The following EGFLAM variants were observed in gnomAD, a reference collection of about 807,000 sequenced individuals.
The protein encoded by EGFLAM is EGF like, fibronectin type III and laminin G domains.
EGFLAM carries 79 observed loss-of-function variants against 113.1 expected under a neutral mutation model. The observed-to-expected ratio is 0.70, with a 90% CI of 0.58 to 0.84. The LOEUF is 0.84. Ranked by LOEUF, EGFLAM falls within the 40% of genes least tolerant of loss-of-function variation. The probability of loss-of-function intolerance (pLI) is 0.00; values close to 1 mark genes in which losing one functional copy is unlikely to be tolerated. For missense variants in EGFLAM, 1,265 were observed against 1,291.6 expected (o/e 0.98, Z 0.32); for synonymous variants, 504 against 487.6 (o/e 1.03, Z -0.44).
chr5:38,370,038 C>T (rs557366852), intron 5 of EGFLAM, among the ~76,000 whole-genome samples: 1 of 152,242 alleles, frequency 6.6e-6, no homozygotes, highest in East Asian at 1.9e-4. Context: ...TAGTGAGGGC[C>T]TTGCAAGGAA....
chr5:38,458,205 T>C lies in EGFLAM; in HGVS notation c.2688-106T>C, dbSNP rs544319812. 6.1e-6 allele frequency: 6 copies of C among 978,950 alleles called. 1 individual carries two copies. The highest frequency in any genetic ancestry group is 3.2e-5 in the African/African-American group (2 of 61,574). The allele number at this position is 978,950 out of a possible 1,614,324, so 60.6% of individuals were successfully genotyped here. A position where few individuals can be genotyped will look rare whatever the true frequency, so the allele number is the denominator to read the frequency against. ...TTGTTTTTTGTTAAGGAAACTGCAC[T>C]CTGAGTTGCAAAGAACTTTTGCCCT... On this transcript the variant is annotated intron_variant, in intron 19 of 21. Transcript: ENST00000322350.
chr5:38,357,368 A>G (rs566149974), intron 5 of EGFLAM, among the ~76,000 whole-genome samples: 2 of 152,226 alleles, frequency 1.3e-5, no homozygotes, highest in African/African-American at 4.8e-5. Flanking sequence ...GGCCTCCAGA[A>G]CTGTGAGCAA....
At chr5:38,283,196 T>A (rs1379250601) in intron 1 of EGFLAM, among the ~76,000 whole-genome samples, 1 of 152,132 alleles carries the variant, frequency 6.6e-6, no homozygotes, top group Non-Finnish European at 1.5e-5. Context: ...AGTCTTTTGA[T>A]TGAATGACCC....
chr5:38,321,719 G>A (rs765128660), intron 1 of EGFLAM, among the ~76,000 whole-genome samples: 1 of 152,164 alleles, frequency 6.6e-6, no homozygotes, highest in East Asian at 1.9e-4. Flanking sequence ...TCTGCCAGAA[G>A]TCAACACTTG....
At chr5:38,371,766 G>A (rs768125300) in intron 6 of EGFLAM, among the ~76,000 whole-genome samples, 5 of 152,154 alleles carry the variant, frequency 3.3e-5, no homozygotes, top group Admixed American at 6.5e-5. Context: ...AAAGGCTGAC[G>A]GCATTCTTCC....
intron 6 of EGFLAM, among the ~76,000 whole-genome samples, chr5:38,395,446 T>A (rs1378602800): frequency 6.6e-6 from 1 of 152,066 alleles, no homozygotes; most frequent in Non-Finnish European, 1.5e-5. Flanking sequence ...AGACAGGGTC[T>A]TACCATCTTG....
intron 6 of EGFLAM, among the ~76,000 whole-genome samples, chr5:38,399,095 G>C (rs1741036213): frequency 6.6e-6 from 1 of 152,166 alleles, no homozygotes; most frequent in Admixed American, 6.5e-5. Context: ...ACTCCCTTCT[G>C]TCCAGTCCAG....
rs144016436 is a variant in EGFLAM at position 38,345,074 on chromosome 5, C to T, written c.292-5427C>T. Among the ~76,000 whole-genome samples, 7 of 152,262 alleles carry T rather than the reference C, an allele frequency of 4.6e-5. No homozygotes were observed. In the East Asian group the frequency reaches 1.3e-3, roughly 29 times the overall value. Reference sequence around the variant, plus strand: ...TTGAACATCTGAAAAACCAGGTGCTCATTTCAGAACTAGTTAGTGATGCTG... The same window carrying T: ...TTGAACATCTGAAAAACCAGGTGCTTATTTCAGAACTAGTTAGTGATGCTG... On this transcript the variant is annotated intron_variant, in intron 3 of 21. Coordinates refer to ENST00000322350, the MANE Select transcript of EGFLAM (RefSeq NM_152403.4).
At chr5:38,348,405 G>A (rs1739529944) in intron 3 of EGFLAM, among the ~76,000 whole-genome samples, 1 of 152,074 alleles carries the variant, frequency 6.6e-6, no homozygotes, top group Non-Finnish European at 1.5e-5. Context: ...GTGGATGGAG[G>A]GTATTGGAAA....
intron 6 of EGFLAM, among the ~76,000 whole-genome samples, chr5:38,388,542 G>A (rs1455497143): frequency 1.3e-5 from 2 of 151,930 alleles, no homozygotes; most frequent in Non-Finnish European, 2.9e-5. Flanking sequence ...TCAGGGGTTT[G>A]AGACCAGCCT....
chr5:38,440,384 T>A (rs745570384), intron 17 of EGFLAM, among the ~76,000 whole-genome samples: 4 of 152,162 alleles, frequency 2.6e-5, no homozygotes, highest in African/African-American at 9.7e-5. Context: ...TCATAATGAC[T>A]GGAGAGGATT....
Position 38,407,071 on chromosome 5 carries a change from T to C in EGFLAM, c.1072T>C (p.Cys358Arg). The change falls in exon 8 of 22, where the codon TGT becomes CGT. Residue 358 changes from cysteine (C) to arginine (R), a missense_variant. Transcript: ENST00000322350. ...DETLCSADSF[C>R]VNDYTWGGSR... Reference sequence around the variant, plus strand: ...AACTCTCTGCTCTGCTGACAGCTTCTGTGTCAATGACTACACCTGGGGGGG... The same window carrying C: ...AACTCTCTGCTCTGCTGACAGCTTCCGTGTCAATGACTACACCTGGGGGGG... 10 of 1,614,166 alleles carry C rather than the reference T, an allele frequency of 6.2e-6. No individual in the cohort carries two copies. The highest frequency in any genetic ancestry group is 7.6e-6 in the Non-Finnish European group (9 of 1,180,032).
intron 6 of EGFLAM, among the ~76,000 whole-genome samples, chr5:38,381,452 T>C (rs1740510632): frequency 6.6e-6 from 1 of 152,130 alleles, no homozygotes; most frequent in Non-Finnish European, 1.5e-5. Flanking sequence ...TGTACAAATA[T>C]AAATGAGAAG....
intron 6 of EGFLAM, among the ~76,000 whole-genome samples, chr5:38,385,881 A>T (rs1740646722): frequency 6.6e-6 from 1 of 152,220 alleles, no homozygotes; most frequent in Non-Finnish European, 1.5e-5. Context: ...AACATCCTAG[A>T]GTTGTACTTA....
At chr5:38,377,118 T>C (rs1740387263) in intron 6 of EGFLAM, among the ~76,000 whole-genome samples, 2 of 145,046 alleles carry the variant, frequency 1.4e-5, no homozygotes, top group Non-Finnish European at 3.0e-5. Context: ...TTGTTCAACG[T>C]TGTGTTCTCT....
At chr5:38,460,927 G>T (rs1407882649) in intron 20 of EGFLAM, 2 of 152,232 alleles carry the variant, frequency 1.3e-5, no homozygotes, top group Admixed American at 6.5e-5. Flanking sequence ...GCAGAAAAGA[G>T]AAAATAAATT....
intron 10 of EGFLAM, among the ~76,000 whole-genome samples, chr5:38,411,376 A>G (rs779560134): frequency 1.6e-4 from 24 of 152,002 alleles, no homozygotes; most frequent in Non-Finnish European, 3.2e-4. Flanking sequence ...TGCAGTGAGC[A>G]GAGATCACAC....
intron 1 of EGFLAM, among the ~76,000 whole-genome samples, chr5:38,325,613 A>G (rs763371149): frequency 4.9e-4 from 74 of 152,352 alleles, no homozygotes; most frequent in Non-Finnish European, 7.6e-4. Flanking sequence ...TCTCAAATAG[A>G]TCTTTCTCTT....
At chr5:38,326,171 A>G (rs1000748968) in intron 1 of EGFLAM, among the ~76,000 whole-genome samples, 2 of 151,970 alleles carry the variant, frequency 1.3e-5, no homozygotes, top group Admixed American at 1.3e-4. Flanking sequence ...GACCTGGCCC[A>G]CCTTCCTGTG....
Sources: allele counts gnomAD v4.1 joint callset (sites outside exome capture counted in the v4.1 genomes callset), GRCh38; gene constraint gnomAD v4.1.1; transcripts MANE v1.5; gene names NCBI Gene and HGNC (gene_info 2026-07-23, HGNC 2026-07-21).